The following KLC3 variants were observed in gnomAD, a reference collection of about 807,000 sequenced individuals.
KLC3 encodes kinesin light chain 3, also known as kinesin light chain 2.
In KLC3, 72 loss-of-function variants were observed where a neutral mutation model predicts 62.9. The observed-to-expected ratio is 1.15, with a 90% CI of 0.95 to 1.39. The LOEUF is 1.39. Among genes scored for constraint, KLC3 ranks in the 40% most tolerant of loss-of-function variants. KLC3 has a pLI of 0.00. For missense variants in KLC3, 848 were observed against 691.6 expected, an observed-to-expected ratio of 1.23 and a Z score of -2.54; for synonymous variants, 377 against 300.5, an observed-to-expected ratio of 1.25 and a Z score of -2.63.
intron 8 of KLC3, chr19:45,349,828 AGGCACAGGT>A: frequency 1.8e-6 from 1 of 545,420 alleles, no homozygotes; most frequent in Non-Finnish European, 3.2e-6. Context: ...GGAAGCTGGC[AGGCACAGGT>A]GGCAGCAGCA....
intron 3 of KLC3, chr19:45,346,988 GC>G: frequency 3.8e-6 from 2 of 519,688 alleles, no homozygotes; most frequent in Non-Finnish European, 6.8e-6. Context: ...ACTCCACGAA[GC>G]CCCCGAGCCT....
At position 45,341,776 on chromosome 19, in the gene KLC3, C is replaced by CGTGTGT. The variant is rs3047585; in HGVS notation, c.-9+951_-9+956dup. Among the ~76,000 whole-genome samples, 732 of 134,882 alleles carry CGTGTGT rather than the reference C, an allele frequency of 5.4e-3. 4 individuals carry two copies. The highest frequency in any genetic ancestry group is 0.02 in the African/African-American group (629 of 32,208). 88.5% of individuals were successfully genotyped at this position (134,882 alleles called of 152,430 possible). On this transcript the variant is annotated intron_variant, in intron 1 of 12. Transcript: ENST00000391946. ...GTGGAGGTGTGTGAAGCCGTGTGTG[C>CGTGTGT]GTGTGTGTGTGTGTGTGTGTGTGTG...
chr19:45,347,516 G>C lies in KLC3; in HGVS notation c.559G>C (p.Gly187Arg). 6.2e-7 allele frequency: 1 copy of C among 1,611,752 alleles called. No individual in the cohort carries two copies. The highest frequency in any genetic ancestry group is 8.5e-7 in the Non-Finnish European group (1 of 1,179,022). The change falls in exon 4 of 13, where the codon GGT becomes CGT. Residue 187 changes from glycine (G) to arginine (R), a missense_variant and splice_region_variant. By Grantham distance (125) the Gly-to-Arg change is moderately radical (BLOSUM62 -2). Transcript: ENST00000391946. ...LFPSEEEERKGPEAAGAAAAQ... is the reference protein window; with the variant it reads ...LFPSEEEERKRPEAAGAAAAQ... ...CCCCAGCGAGGAGGAGGAGAGGAAA[G>C]GTGGGTGTTGGGAGTACATGCCACA...
chr19:45,349,512 C>T lies in KLC3; in HGVS notation c.1053C>T (p.Asp351=), dbSNP rs768039092. 55 of 1,614,004 alleles carry T rather than the reference C, an allele frequency of 3.4e-5. No homozygotes were observed. Among genetic ancestry groups the T allele is most frequent in the Middle Eastern group, 1.7e-4 (1 of 6,060 alleles). Residue 351 remains aspartate (D), a synonymous_variant, in exon 8 of 13, where the codon GAC becomes GAT. Coordinates refer to ENST00000391946, the MANE Select transcript of KLC3 (RefSeq NM_177417.3). The part of the protein sequence containing the change: ...LLCQNQGKFE[D]VERHYARALS... ...GCCAGAACCAGGGCAAGTTTGAGGA[C>T]GTGGAGCGGCACTATGCCCGGGCCC... is the stretch of plus-strand genomic sequence containing the variant.
At chr19:45,345,275 T>C in intron 1 of KLC3, 1 of 588,452 alleles carries the variant, frequency 1.7e-6, no homozygotes, top group Non-Finnish European at 3.0e-6. Context: ...ATTTGGGAAC[T>C]GTCCTCAGGG....
At chr19:45,347,400 G>T in intron 3 of KLC3, 47 bp from the exon 4 acceptor site, 1 of 1,445,996 alleles carries the variant, frequency 6.9e-7, no homozygotes, top group Non-Finnish European at 9.6e-7. Context: ...CCCGGTCTCT[G>T]AAACAAGCCC....
In KLC3 at chr19:45,346,652, C is replaced by T. The variant is rs1292056692; in HGVS notation, c.367C>T (p.Leu123=). Residue 123 remains leucine (L), a synonymous_variant, in exon 3 of 13, where the codon CTG becomes TTG. Transcript: ENST00000391946. ...AQENVWLREE[L]EETQRRLRAS... ...GGAGAACGTGTGGCTGCGGGAGGAA[C>T]TGGAGGAGACGCAGCGGCGGCTTCG... is the stretch of plus-strand genomic sequence containing the variant. 2 of 1,557,618 alleles carry T rather than the reference C, an allele frequency of 1.3e-6. No homozygotes were observed. Among genetic ancestry groups the T allele is most frequent in the East Asian group, 4.8e-5 (2 of 41,342 alleles).
intron 8 of KLC3, chr19:45,349,829 G>GGC (rs1334108892): frequency 9.2e-6 from 5 of 542,342 alleles, no homozygotes; most frequent in Non-Finnish European, 1.6e-5. Flanking sequence ...GAAGCTGGCA[G>GGC]GCACAGGTGG....
At chr19:45,350,079 G>GC (rs1331770802) in intron 8 of KLC3, 1 of 510,170 alleles carries the variant, frequency 2.0e-6, no homozygotes, top group Non-Finnish European at 3.5e-6. Flanking sequence ...AACCCACTCT[G>GC]CCCCAGGGCA....
intron 8 of KLC3, chr19:45,349,973 G>A (rs776325242): frequency 2.2e-5 from 9 of 415,356 alleles, no homozygotes; most frequent in Middle Eastern, 6.3e-4. Context: ...CTGAGGCACC[G>A]AGGCCATGCC....
chr19:45,351,069 G>A (rs1971740610), intron 12 of KLC3, 52 bp downstream of exon 12: 1 of 1,613,832 alleles, frequency 6.2e-7, no homozygotes, highest in Non-Finnish European at 8.5e-7. Context: ...GGTAGGTGCA[G>A]AGATGAGGCA....
chr19:45,350,671 A>G lies in KLC3; in HGVS notation c.1303A>G (p.Ile435Val). ...TCGCCGCAGCAGCTCACTCTCCAAG[A>G]TCCGTGAGTCTATCAGGCGAGGAAG... is the stretch of plus-strand genomic sequence containing the variant. ...ALRRSSSLSK[I>V]RESIRRGSEK... Residue 435 changes from isoleucine to valine, a missense_variant, in exon 11 of 13, where the codon ATC (isoleucine) becomes GTC (valine). Physicochemically the swap from Ile to Val is conservative, Grantham distance 29. Transcript: ENST00000391946. 1 of 1,613,664 alleles carries G rather than the reference A, an allele frequency of 6.2e-7. No homozygotes were observed. The highest frequency in any genetic ancestry group is 1.3e-5 in the African/African-American group (1 of 74,944).
chr19:45,349,952 G>A (rs1003398695), intron 8 of KLC3: 17 of 410,868 alleles, frequency 4.1e-5, no homozygotes, highest in African/African-American at 1.4e-4. Context: ...TCCACTTTGC[G>A]TGTGGGAAGA....
intron 4 of KLC3, 25 bp from the exon 5 acceptor site, chr19:45,347,916 C>T: frequency 6.4e-7 from 1 of 1,567,384 alleles, no homozygotes. Flanking sequence ...TTGCAGTGAC[C>T]CAGAGCCCAC....
rs1333020475 is a variant in KLC3 at position 45,345,745 on chromosome 19, G to A, written c.204G>A (p.Gln68=). The part of the protein sequence containing the change: ...AAGLEMLEEK[Q]QVVSHSLEAI... The stretch of plus-strand genomic sequence containing the variant: ...GCTTGGAGATGCTGGAGGAAAAGCA[G>A]CAGGTGGTGAGCCACTCGCTGGAGG... The change falls in exon 2 of 13, where the codon CAG becomes CAA. Residue 68 remains glutamine (Q), a synonymous_variant. Coordinates refer to ENST00000391946, the MANE Select transcript of KLC3 (RefSeq NM_177417.3). The A allele has an allele frequency of 6.4e-7, 1 of 1,557,424 alleles. No homozygotes were observed. The highest frequency in any genetic ancestry group is 1.9e-5 in the Admixed American group (1 of 51,444).
In KLC3 at chr19:45,350,335, C is replaced by T; in HGVS notation, c.1144-6C>T. On this transcript the variant is annotated splice_polypyrimidine_tract_variant and splice_region_variant and intron_variant, in intron 8 of 12. Transcript: ENST00000391946. ...GAAAAGTTCCCAGACACTCCCTTCT[C>T]CGCAGGCCTCAGCCTACCTGAAACA... The T allele has an allele frequency of 6.2e-7, 1 of 1,612,868 alleles. No individual in the cohort carries two copies. Among genetic ancestry groups the T allele is most frequent in the South Asian group, 1.1e-5 (1 of 91,042 alleles).
intron 8 of KLC3, 82 bp from the exon 9 acceptor site, chr19:45,350,259 C>CAA (rs61513187): frequency 1.6e-3 from 1,354 of 872,076 alleles, no homozygotes; most frequent in Non-Finnish European, 1.8e-3. Flanking sequence ...CCTGTCTCTA[C>CAA]AAAAAAAAAA....
chr19:45,347,250 G>A, intron 3 of KLC3, 197 bp from the exon 4 acceptor site: 1 of 541,250 alleles, frequency 1.8e-6, no homozygotes, highest in Non-Finnish European at 3.3e-6. Context: ...GCTGAGGCAG[G>A]AGAATGGCTT....
chr19:45,351,401 A>G lies in KLC3; in HGVS notation c.*44A>G, dbSNP rs1282685106. 4 of 1,602,604 alleles carry G rather than the reference A, an allele frequency of 2.5e-6. No individual in the cohort carries two copies. Among genetic ancestry groups the G allele is most frequent in the Non-Finnish European group, 3.4e-6 (4 of 1,177,884 alleles). On this transcript the variant is annotated 3_prime_UTR_variant, in exon 13 of 13. Coordinates refer to ENST00000391946, the MANE Select transcript of KLC3 (RefSeq NM_177417.3). ...GGCCGCAGCTTCTTGGGAACAGTGC[A>G]GGAGGGATGGGCTGGTGGGGTGAGA...
Sources: gnomAD v4.1 joint callset for allele counts (sites outside exome capture counted in the v4.1 genomes callset) on GRCh38, gnomAD v4.1.1 for gene constraint, MANE v1.5 for transcripts, NCBI Gene and HGNC (gene_info 2026-07-23, HGNC 2026-07-21) for gene names.